Variants in PRPF6 observed in about 807,000 individuals in gnomAD.
PRPF6 encodes the protein pre-mRNA-processing factor 6.
PRPF6 carries 42 observed loss-of-function variants against 118.3 expected under a neutral mutation model. The ratio of observed to expected loss-of-function variants is 0.35; its 90% confidence interval spans 0.28 to 0.46. The LOEUF (loss-of-function observed/expected upper bound fraction) is 0.46. Among genes scored for constraint, PRPF6 ranks in the 20% least tolerant of loss-of-function variants. The pLI, the probability that PRPF6 is intolerant of heterozygous loss-of-function variation, is 1.00. For synonymous variants in PRPF6, 481 were observed against 485.1 expected, an observed-to-expected ratio of 0.99 and a Z score of 0.11; for missense variants, 662 against 1,255.7, an observed-to-expected ratio of 0.53 and a Z score of 7.15.
chr20:63,990,473 CTTT>C (rs534965927), intron 3 of PRPF6, among the ~76,000 whole-genome samples: 3 of 143,230 alleles, frequency 2.1e-5, no homozygotes. Context: ...TTGCATTTCA[CTTT>C]TTTTTTTTTT....
chr20:64,032,153 G>A (rs2059317823), intron 20 of PRPF6, 109 bp downstream of exon 20: 4 of 1,542,574 alleles, frequency 2.6e-6, no homozygotes, highest in South Asian at 1.1e-5. Flanking sequence ...GACTCTGCCC[G>A]GGGTCGGGAG....
Position 64,027,913 on chromosome 20 carries a change from AG to A in PRPF6, c.2339+179del, listed in dbSNP as rs1300338569. Among the ~76,000 whole-genome samples the A allele has an allele frequency of 1.3e-5, 2 of 152,078 alleles. No homozygotes were observed. Among genetic ancestry groups the A allele is most frequent in the Non-Finnish European group, 2.9e-5 (2 of 68,024 alleles). ...TCCCTGCCTTAGGAGAGTTCGGCCT[AG>A]GTACTGTGACAGGCCTGTAGATGGT... On this transcript the variant is annotated intron_variant, in intron 17 of 20. Coordinates refer to ENST00000266079, the MANE Select transcript of PRPF6 (RefSeq NM_012469.4). The surrounding 1 kb of genome is among the most constrained non-coding windows in gnomAD (Gnocchi z 6.5).
At chr20:63,993,301 TAA>T in intron 3 of PRPF6, 104 bp from the exon 4 acceptor site, 2 of 595,484 alleles carry the variant, frequency 3.4e-6, no homozygotes, top group Non-Finnish European at 6.3e-6. Context: ...ATTTAGCTAC[TAA>T]GAGTATGGAA....
chr20:63,998,593 G>C lies in PRPF6; in HGVS notation c.772-452G>C, dbSNP rs2059151424. ...GCGGTGGCTCACGCCTGTAATCCCAGCACTTTGGGAGGCCGAGGCGGGCGG... is the reference window on the plus strand; with the variant it reads ...GCGGTGGCTCACGCCTGTAATCCCACCACTTTGGGAGGCCGAGGCGGGCGG... On this transcript the variant is annotated intron_variant, in intron 6 of 20. Transcript: ENST00000266079. 2.7e-5 allele frequency among the ~76,000 whole-genome samples: 4 copies of C among 150,646 alleles called. No homozygotes were observed. The South Asian group carries it at 8.4e-4, about 32-fold the overall frequency.
In PRPF6 at chr20:63,995,102, CA is replaced by C. The variant is rs762144223; in HGVS notation, c.615+16del. ...GGATCCCCGACAAACTGTGAGCTTC[CA>C]AAAAAGGGCACATGTGGCCCATTTA... is the stretch of plus-strand genomic sequence containing the variant. On this transcript the variant is annotated intron_variant, in intron 5 of 20. Transcript: ENST00000266079. 48 of 1,613,880 alleles carry C rather than the reference CA, an allele frequency of 3.0e-5. No homozygotes were observed. The highest frequency in any genetic ancestry group is 2.0e-4 in the Admixed American group (12 of 59,956).
At chr20:63,983,336 T>C in intron 2 of PRPF6, 121 bp downstream of exon 2, 1 of 1,263,174 alleles carries the variant, frequency 7.9e-7, no homozygotes, top group South Asian at 1.2e-5. Context: ...AAATTTTAGC[T>C]ATTCATGGAA....
At position 64,027,227 on chromosome 20, in the gene PRPF6, G is replaced by A. The variant is rs949019938; in HGVS notation, c.2205+69G>A. On this transcript the variant is annotated intron_variant, in intron 16 of 20. Transcript: ENST00000266079. This position sits in a 1 kb window ranked among gnomAD's most constrained non-coding sequence, Gnocchi z 6.5. Reference sequence around the variant, plus strand: ...TCACAAAACTGAGCCCCCTGGTGCAGGGTCATTGCCCTTCGCCTCTGAGGA... The same window carrying A: ...TCACAAAACTGAGCCCCCTGGTGCAAGGTCATTGCCCTTCGCCTCTGAGGA... 3.2e-6 allele frequency: 5 copies of A among 1,580,812 alleles called. No homozygotes were observed. Among genetic ancestry groups the A allele is most frequent in the Non-Finnish European group, 4.3e-6 (5 of 1,158,020 alleles).
At chr20:64,015,063 A>C (rs367859075) in intron 11 of PRPF6, among the ~76,000 whole-genome samples, 17 of 152,084 alleles carry the variant, frequency 1.1e-4, no homozygotes, top group African/African-American at 3.6e-4. Flanking sequence ...TGGTCTATGT[A>C]TTATTTTTGT....
At chr20:64,013,182 C>G (rs1190754340) in intron 11 of PRPF6, among the ~76,000 whole-genome samples, 1 of 152,040 alleles carries the variant, frequency 6.6e-6, no homozygotes, top group East Asian at 1.9e-4. Flanking sequence ...CCAGGTTGGT[C>G]TCGAACTCCT....
In PRPF6 at chr20:63,989,478, G is replaced by A. The variant is rs191090550; in HGVS notation, c.360-3929G>A. 2.7e-3 allele frequency among the ~76,000 whole-genome samples: 413 copies of A among 152,240 alleles called. 3 individuals are homozygous for A. Among genetic ancestry groups the A allele is most frequent in the African/African-American group, 9.5e-3 (394 of 41,560 alleles). On this transcript the variant is annotated intron_variant, in intron 3 of 20. Coordinates refer to ENST00000266079, the MANE Select transcript of PRPF6 (RefSeq NM_012469.4). ...AAAAGTTCTCATTATAGAATATTAG[G>A]AAAATAAGAGTAAGTATGGGTAAAA... is the stretch of plus-strand genomic sequence containing the variant.
At chr20:63,988,740 G>T (rs901700640) in intron 3 of PRPF6, among the ~76,000 whole-genome samples, 1 of 148,910 alleles carries the variant, frequency 6.7e-6, no homozygotes, top group Non-Finnish European at 1.5e-5. Context: ...ATGGTGACAG[G>T]TGCCTGTAAT....
At chr20:64,004,740 C>T (rs1467144074) in intron 9 of PRPF6, among the ~76,000 whole-genome samples, 1 of 152,188 alleles carries the variant, frequency 6.6e-6, no homozygotes, top group Non-Finnish European at 1.5e-5. Context: ...TGTGAGCTTC[C>T]TGGCCAGGGT....
chr20:64,004,920 C>T (rs555795329), intron 9 of PRPF6, among the ~76,000 whole-genome samples: 14 of 152,308 alleles, frequency 9.2e-5, no homozygotes, highest in East Asian at 1.9e-4. Flanking sequence ...CTTCAGTGGC[C>T]GTCGCCAGCG....
At chr20:64,001,017 T>C in intron 8 of PRPF6, 60 bp from the exon 9 acceptor site, 2 of 1,568,702 alleles carry the variant, frequency 1.3e-6, no homozygotes, top group South Asian at 2.2e-5. Context: ...CTGTGCCTGC[T>C]GCCCTGTTGC....
chr20:64,019,949 C>G (rs1206458577), intron 12 of PRPF6, among the ~76,000 whole-genome samples: 3 of 152,244 alleles, frequency 2.0e-5, no homozygotes, highest in African/African-American at 7.2e-5. Context: ...TAGAAGGCAG[C>G]TGTTCCTCTG....
rs1313031909 is a variant in PRPF6 at position 64,032,050 on chromosome 20, G to T, written c.2673+6G>T. The T allele has an allele frequency of 6.2e-7, 1 of 1,613,930 alleles. No homozygotes were observed. Among genetic ancestry groups the T allele is most frequent in the South Asian group, 1.1e-5 (1 of 91,082 alleles). On this transcript the variant is annotated splice_donor_region_variant and intron_variant, in intron 20 of 20. Coordinates refer to ENST00000266079, the MANE Select transcript of PRPF6 (RefSeq NM_012469.4). Reference sequence around the variant, plus strand: ...AGCTGCAGCATGGCACTGAGGTGAGGCCCCTCGACAGACCGCCGCTCAGTG... The same window carrying T: ...AGCTGCAGCATGGCACTGAGGTGAGTCCCCTCGACAGACCGCCGCTCAGTG...
chr20:63,988,985 T>G (rs889813798), intron 3 of PRPF6, among the ~76,000 whole-genome samples: 2 of 152,032 alleles, frequency 1.3e-5, no homozygotes, highest in Non-Finnish European at 2.9e-5. Flanking sequence ...ACACTTGACT[T>G]CAAATTATAC....
intron 6 of PRPF6, among the ~76,000 whole-genome samples, chr20:63,997,858 A>C (rs552725200): frequency 4.2e-4 from 64 of 152,060 alleles, no homozygotes; most frequent in Admixed American, 7.2e-4. Flanking sequence ...TACAGGCATG[A>C]GCCCCGGCGC....
chr20:64,004,851 G>A (rs2059182661), intron 9 of PRPF6, among the ~76,000 whole-genome samples: 1 of 152,206 alleles, frequency 6.6e-6, no homozygotes, highest in Non-Finnish European at 1.5e-5. Context: ...ATGCAGATGT[G>A]TGGAAGTGGA....
Sources: gnomAD v4.1 joint callset for allele counts (sites outside exome capture counted in the v4.1 genomes callset) on GRCh38, gnomAD v4.1.1 for gene constraint, Gnocchi (gnomAD v3.1) non-coding constraint, MANE v1.5 for transcripts, NCBI Gene and HGNC (gene_info 2026-07-23, HGNC 2026-07-21) for gene names.